Variants in IGSF21 observed in about 807,000 individuals in gnomAD.
IGSF21 encodes immunoglobin superfamily member 21.
In IGSF21, 28 loss-of-function variants were observed where a neutral mutation model predicts 46.8. The ratio of observed to expected loss-of-function variants is 0.60; its 90% CI spans 0.44 to 0.82. The LOEUF is 0.82. IGSF21 is among the 40% of genes least tolerant of loss of function. IGSF21 has a pLI of 0.00. For missense variants in IGSF21, 624 were observed against 665.5 expected (o/e 0.94, Z 0.69); for synonymous variants, 284 against 273.6 (o/e 1.04, Z -0.38).
intron 3 of IGSF21, among the ~76,000 whole-genome samples, chr1:18,294,284 C>T (rs2085292861): frequency 6.6e-6 from 1 of 152,170 alleles, no homozygotes; most frequent in African/African-American, 2.4e-5. Context: ...GGTTTCCGGC[C>T]TCTAAGTGGT....
At chr1:18,273,425 C>CTTTCT (rs2085065247) in intron 2 of IGSF21, among the ~76,000 whole-genome samples, 5 of 112,302 alleles carry the variant, frequency 4.5e-5, no homozygotes, top group Non-Finnish European at 7.2e-5. Flanking sequence ...TTTTCCTTTC[C>CTTTCT]TTTCCTTTCT....
intron 1 of IGSF21, among the ~76,000 whole-genome samples, chr1:18,197,735 T>A (rs538236054): frequency 6.6e-6 from 1 of 152,350 alleles, no homozygotes; most frequent in Non-Finnish European, 1.5e-5. Context: ...ACTTTATCTA[T>A]CTGAGCCTAA....
intron 2 of IGSF21, among the ~76,000 whole-genome samples, chr1:18,265,983 G>A (rs1461302452): frequency 6.6e-6 from 1 of 152,160 alleles, no homozygotes; most frequent in Non-Finnish European, 1.5e-5. Context: ...GGGATTTAAT[G>A]CAGCCTTGAT....
chr1:18,340,772 A>T (rs1211156056), intron 4 of IGSF21, among the ~76,000 whole-genome samples: 1 of 151,978 alleles, frequency 6.6e-6, no homozygotes, highest in Non-Finnish European at 1.5e-5. Flanking sequence ...CAATCCTTGG[A>T]GTTCCCTGGC....
At chr1:18,255,518 C>T (rs1007068148) in intron 2 of IGSF21, among the ~76,000 whole-genome samples, 1 of 151,984 alleles carries the variant, frequency 6.6e-6, no homozygotes, top group Non-Finnish European at 1.5e-5. Flanking sequence ...CATTCCCTCA[C>T]TTCTCATGGC....
intron 4 of IGSF21, among the ~76,000 whole-genome samples, chr1:18,341,038 C>T (rs1205710607): frequency 4.9e-5 from 5 of 102,180 alleles, no homozygotes; most frequent in Non-Finnish European, 8.1e-5. Flanking sequence ...TCTTCTTCTT[C>T]TTCTTCCTCT....
intron 1 of IGSF21, among the ~76,000 whole-genome samples, chr1:18,135,307 A>C (rs1049093224): frequency 2.6e-5 from 4 of 152,134 alleles, no homozygotes; most frequent in Admixed American, 6.5e-5. Context: ...CATGTGCACA[A>C]CATGCAGGTT....
At chr1:18,200,630 C>T (rs541990587) in intron 1 of IGSF21, among the ~76,000 whole-genome samples, 9 of 152,298 alleles carry the variant, frequency 5.9e-5, no homozygotes, top group South Asian at 2.1e-4. Context: ...ATATTCAATT[C>T]GGGCCCTTCT....
chr1:18,157,615 C>T (rs535225042), intron 1 of IGSF21, among the ~76,000 whole-genome samples: 9 of 152,310 alleles, frequency 5.9e-5, no homozygotes, highest in Admixed American at 2.6e-4. Flanking sequence ...CTGGTACACA[C>T]GTTAAGCAAG....
At chr1:18,122,001 G>A (rs757313069) in intron 1 of IGSF21, among the ~76,000 whole-genome samples, 1 of 152,118 alleles carries the variant, frequency 6.6e-6, no homozygotes, top group Admixed American at 6.5e-5. Context: ...GATGGCTTTG[G>A]TCACCCATGA....
intron 1 of IGSF21, chr1:18,113,259 T>G (rs1257179244): frequency 6.6e-6 from 1 of 152,080 alleles, no homozygotes; most frequent in Non-Finnish European, 1.5e-5. Flanking sequence ...CCAGGGAAGA[T>G]TGGGGTGGTG....
At chr1:18,148,099 C>T (rs909833967) in intron 1 of IGSF21, among the ~76,000 whole-genome samples, 1 of 146,260 alleles carries the variant, frequency 6.8e-6, no homozygotes, top group Non-Finnish European at 1.5e-5. Flanking sequence ...AACCATTTTC[C>T]TTTATAAATT....
At position 18,322,585 on chromosome 1, in the gene IGSF21, G is replaced by A. The variant is rs1318492200; in HGVS notation, c.306-12307G>A. On this transcript the variant is annotated intron_variant, in intron 3 of 9. Coordinates refer to ENST00000251296, the MANE Select transcript of IGSF21 (RefSeq NM_032880.5). The surrounding 1 kb of genome is among the most constrained non-coding windows in gnomAD (Gnocchi z 4.3). ...TCATTTCCCTTTGGCCAACCACCTGGCTCCTGGTTCCCCACCACACGGAGT... is the reference window on the plus strand; with the variant it reads ...TCATTTCCCTTTGGCCAACCACCTGACTCCTGGTTCCCCACCACACGGAGT... Among the ~76,000 whole-genome samples, 4 of 152,196 alleles carry A rather than the reference G, an allele frequency of 2.6e-5. No individual in the cohort carries two copies.
intron 2 of IGSF21, among the ~76,000 whole-genome samples, chr1:18,286,395 G>T (rs543171036): frequency 6.6e-6 from 1 of 152,328 alleles, no homozygotes; most frequent in South Asian, 2.1e-4. Context: ...ACAGTCCTGA[G>T]ATTCCAAGGA....
At chr1:18,181,013 G>A (rs998654827) in intron 1 of IGSF21, among the ~76,000 whole-genome samples, 1 of 152,140 alleles carries the variant, frequency 6.6e-6, no homozygotes, top group Non-Finnish European at 1.5e-5. Flanking sequence ...TGTAAAGGAG[G>A]GAACTGGGCC....
chr1:18,142,733 T>C (rs1049542709), intron 1 of IGSF21, among the ~76,000 whole-genome samples: 1 of 152,176 alleles, frequency 6.6e-6, no homozygotes, highest in East Asian at 1.9e-4. Flanking sequence ...TATATGCAAA[T>C]TGGGGGGCTG....
At chr1:18,324,579 G>A (rs737121) in intron 3 of IGSF21, among the ~76,000 whole-genome samples, 3,701 of 152,254 alleles carry the variant, frequency 0.024, 92 homozygotes, top group African/African-American at 0.063. Flanking sequence ...CCTGTCTTTA[G>A]TTTTCTTGAC....
At chr1:18,221,297 C>T (rs1448684679) in intron 1 of IGSF21, among the ~76,000 whole-genome samples, 1 of 152,182 alleles carries the variant, frequency 6.6e-6, no homozygotes, top group Non-Finnish European at 1.5e-5. Context: ...GTTTTAGGTG[C>T]TGAAAGTCTC....
intron 3 of IGSF21, among the ~76,000 whole-genome samples, chr1:18,310,771 A>T (rs1206912210): frequency 6.6e-6 from 1 of 152,160 alleles, no homozygotes; most frequent in Admixed American, 6.5e-5. Context: ...TGGCATGGCC[A>T]CACTTCCTCT....
Sources: gnomAD v4.1 joint callset for allele counts (sites outside exome capture counted in the v4.1 genomes callset) on GRCh38, gnomAD v4.1.1 for gene constraint, Gnocchi (gnomAD v3.1) non-coding constraint, MANE v1.5 for transcripts, NCBI Gene and HGNC (gene_info 2026-07-23, HGNC 2026-07-21) for gene names.